Variants in KCNJ3 observed in about 807,000 individuals in gnomAD.
The protein encoded by KCNJ3 is G protein-activated inward rectifier potassium channel 1.
Under a neutral mutation model 39.2 loss-of-function variants are expected in KCNJ3, and 4 were observed. The observed-to-expected ratio is 0.10, with a 90% CI of 0.05 to 0.23. The LOEUF (loss-of-function observed/expected upper bound fraction) is 0.23. Ranked by LOEUF, KCNJ3 falls within the 10% of genes least tolerant of loss-of-function variation. KCNJ3 has a pLI of 1.00. For missense variants in KCNJ3, 276 were observed against 634.9 expected (o/e 0.43, Z 6.08); for synonymous variants, 230 against 237.4 (o/e 0.97, Z 0.29).
intron 2 of KCNJ3, among the ~76,000 whole-genome samples, chr2:154,805,547 AG>A (rs1207080268): frequency 1.3e-5 from 2 of 152,202 alleles, no homozygotes; most frequent in East Asian, 3.9e-4. Flanking sequence ...AGGAGCTAAA[AG>A]ATTGTATTTT....
chr2:154,742,198 G>T (rs1442375473), intron 2 of KCNJ3, among the ~76,000 whole-genome samples: 1 of 151,770 alleles, frequency 6.6e-6, no homozygotes, highest in Non-Finnish European at 1.5e-5. Flanking sequence ...TATTCATGTT[G>T]TAGCATGTGT....
chr2:154,714,338 TTCTC>T (rs140316224), intron 2 of KCNJ3, among the ~76,000 whole-genome samples: 24 of 152,162 alleles, frequency 1.6e-4, no homozygotes, highest in African/African-American at 5.8e-4. Context: ...TTTCCCCGCT[TTCTC>T]TCTCTCTTTT....
chr2:154,717,150 G>C (rs1441851697), intron 2 of KCNJ3, among the ~76,000 whole-genome samples: 3 of 152,214 alleles, frequency 2.0e-5, no homozygotes, highest in Non-Finnish European at 4.4e-5. Context: ...CAGGAGAGTA[G>C]AGGGAGCTAA....
At chr2:154,815,295 G>A (rs2652456) in intron 2 of KCNJ3, among the ~76,000 whole-genome samples, 10 of 151,734 alleles carry the variant, frequency 6.6e-5, no homozygotes, top group African/African-American at 2.4e-4. Context: ...ATTAATTCAG[G>A]TATAGACAAT....
chr2:154,807,454 T>G (rs2105098439), intron 2 of KCNJ3, among the ~76,000 whole-genome samples: 1 of 152,318 alleles, frequency 6.6e-6, no homozygotes, highest in Middle Eastern at 3.4e-3. Context: ...GCTTCCTGGC[T>G]AGGTTGTAAA....
intron 2 of KCNJ3, among the ~76,000 whole-genome samples, chr2:154,742,825 C>T (rs1023562229): frequency 1.2e-4 from 18 of 151,486 alleles, no homozygotes; most frequent in Admixed American, 7.3e-4. Flanking sequence ...CTGTGGGTGG[C>T]CTTTTTACTT....
intron 2 of KCNJ3, among the ~76,000 whole-genome samples, chr2:154,844,324 G>A (rs554526988): frequency 5.9e-5 from 9 of 152,272 alleles, no homozygotes; most frequent in South Asian, 2.1e-4. Flanking sequence ...TGGAAACTTC[G>A]TCCCAGAGGG....
At chr2:154,828,840 G>A (rs1687313714) in intron 2 of KCNJ3, among the ~76,000 whole-genome samples, 1 of 152,074 alleles carries the variant, frequency 6.6e-6, no homozygotes, top group Non-Finnish European at 1.5e-5. Flanking sequence ...AAAATATTTA[G>A]TTTGAGTTTT....
intron 2 of KCNJ3, among the ~76,000 whole-genome samples, chr2:154,803,511 T>C (rs928489067): frequency 1.3e-5 from 2 of 151,564 alleles, no homozygotes; most frequent in Admixed American, 1.3e-4. Flanking sequence ...GTTTCAAGTA[T>C]GATGGCAAAA....
intron 2 of KCNJ3, among the ~76,000 whole-genome samples, chr2:154,853,295 C>T (rs919546881): frequency 6.6e-6 from 1 of 151,982 alleles, no homozygotes; most frequent in Non-Finnish European, 1.5e-5. Context: ...TAATATATAA[C>T]AGAATATTCA....
chr2:154,809,386 C>T, intron 2 of KCNJ3, among the ~76,000 whole-genome samples: 1 of 152,248 alleles, frequency 6.6e-6, no homozygotes. Context: ...AGTGAATGAT[C>T]TTACCTACAA....
chr2:154,768,208 A>G lies in KCNJ3; in HGVS notation c.919+58389A>G, dbSNP rs542730657. On this transcript the variant is annotated intron_variant, in intron 2 of 2. Transcript: ENST00000295101. ...TAGTTTAATTAGATCCCATTTGTCA[A>G]TTTTGTCTTTTGTTGCCATTGCATT... is the stretch of plus-strand genomic sequence containing the variant. 1.2e-3 allele frequency among the ~76,000 whole-genome samples: 178 copies of G among 152,076 alleles called. 1 individual carries two copies. The highest frequency in any genetic ancestry group is 1.6e-3 in the Non-Finnish European group (112 of 67,992).
intron 2 of KCNJ3, among the ~76,000 whole-genome samples, chr2:154,725,348 C>A (rs961012357): frequency 6.7e-6 from 1 of 149,830 alleles, no homozygotes; most frequent in Non-Finnish European, 1.5e-5. Flanking sequence ...GATATCTTTT[C>A]TCTGAAAGTT....
intron 2 of KCNJ3, among the ~76,000 whole-genome samples, chr2:154,773,191 A>T (rs1207820128): frequency 6.6e-6 from 1 of 152,132 alleles, no homozygotes; most frequent in East Asian, 1.9e-4. Context: ...AATTATTTTA[A>T]TGCATTTAGT....
intron 2 of KCNJ3, among the ~76,000 whole-genome samples, chr2:154,783,179 A>G (rs898692872): frequency 7.9e-5 from 12 of 151,376 alleles, no homozygotes; most frequent in African/African-American, 2.7e-4. Flanking sequence ...CTCCATCTCA[A>G]AAAAAAAAGT....
chr2:154,802,887 GC>G (rs1368075266), intron 2 of KCNJ3, among the ~76,000 whole-genome samples: 1 of 151,902 alleles, frequency 6.6e-6, no homozygotes, highest in African/African-American at 2.4e-5. Flanking sequence ...TGGAGGAATT[GC>G]CTGTATGGAT....
intron 2 of KCNJ3, among the ~76,000 whole-genome samples, chr2:154,850,375 G>A (rs576807586): frequency 3.3e-5 from 5 of 152,200 alleles, no homozygotes; most frequent in East Asian, 3.9e-4. Context: ...TATGGTACAT[G>A]CATGTTCTTA....
At chr2:154,840,417 A>G (rs1232214955) in intron 2 of KCNJ3, among the ~76,000 whole-genome samples, 1 of 152,202 alleles carries the variant, frequency 6.6e-6, no homozygotes, top group African/African-American at 2.4e-5. Flanking sequence ...TGACTTGGCA[A>G]TGTGGGCTCT....
chr2:154,784,889 C>A (rs1686500837), intron 2 of KCNJ3, among the ~76,000 whole-genome samples: 1 of 152,112 alleles, frequency 6.6e-6, no homozygotes, highest in African/African-American at 2.4e-5. Flanking sequence ...ATAGTACCTA[C>A]CTTACAGAAT....
Sources: allele counts gnomAD v4.1 joint callset (sites outside exome capture counted in the v4.1 genomes callset), GRCh38; gene constraint gnomAD v4.1.1; transcripts MANE v1.5; gene names NCBI Gene and HGNC (gene_info 2026-07-23, HGNC 2026-07-21).